Variants in NTM observed in about 807,000 individuals in gnomAD.
NTM encodes neurotrimin.
In NTM, 13 loss-of-function variants were observed where a neutral mutation model predicts 42.1. The ratio of observed to expected loss-of-function variants is 0.31; its 90% CI spans 0.20 to 0.49. NTM has a LOEUF of 0.49. Among genes scored for constraint, NTM ranks in the 20% least tolerant of loss-of-function variants. The pLI, the probability that NTM is intolerant of heterozygous loss-of-function variation, is 0.99. For synonymous variants in NTM, 187 were observed against 179.2 expected (o/e 1.04, Z -0.35); for missense variants, 373 against 452.8 (o/e 0.82, Z 1.60).
chr11:131,710,853 C>T (rs1453660481), intron 1 of NTM, among the ~76,000 whole-genome samples: 2 of 152,160 alleles, frequency 1.3e-5, no homozygotes, highest in South Asian at 2.1e-4. Flanking sequence ...GATCACACCT[C>T]ATGCCACCCT....
intron 1 of NTM, among the ~76,000 whole-genome samples, chr11:131,669,608 T>TG (rs1447517585): frequency 1.3e-5 from 2 of 152,004 alleles, no homozygotes; most frequent in Non-Finnish European, 2.9e-5. Context: ...AATTCAGCGG[T>TG]GGGGGCACCG....
intron 4 of NTM, among the ~76,000 whole-genome samples, chr11:132,291,748 C>T (rs968855447): frequency 3.3e-5 from 5 of 152,124 alleles, no homozygotes; most frequent in African/African-American, 1.2e-4. Context: ...AAGAAAAGCT[C>T]ATTTAAAGGA....
intron 1 of NTM, among the ~76,000 whole-genome samples, chr11:131,480,799 G>T (rs1375700311): frequency 6.6e-6 from 1 of 151,602 alleles, no homozygotes; most frequent in East Asian, 1.9e-4. Context: ...GGTGGTGGGG[G>T]TGGGGGAAAC....
intron 2 of NTM, among the ~76,000 whole-genome samples, chr11:132,021,981 T>C (rs2074413058): frequency 1.3e-5 from 2 of 152,204 alleles, no homozygotes; most frequent in Admixed American, 6.5e-5. Context: ...TGCCTAGCCC[T>C]GAGCAGAACC....
chr11:131,600,008 A>G (rs2458775), intron 1 of NTM, among the ~76,000 whole-genome samples: 65,354 of 152,184 alleles, frequency 0.43, 16,065 homozygotes, highest in East Asian at 0.61. Context: ...TGCCTTCTCC[A>G]AAAGAGTACA....
chr11:131,414,320 A>T (rs545391956), intron 1 of NTM, among the ~76,000 whole-genome samples: 37 of 152,252 alleles, frequency 2.4e-4, no homozygotes, highest in African/African-American at 8.9e-4. Flanking sequence ...CCTCTCCAGG[A>T]CTGAGTGGAC....
chr11:131,898,600 A>G (rs1001245312), intron 1 of NTM, among the ~76,000 whole-genome samples: 2 of 152,228 alleles, frequency 1.3e-5, no homozygotes, highest in African/African-American at 4.8e-5. Flanking sequence ...TACCAAGGAT[A>G]TGACAGTCCC....
intron 1 of NTM, among the ~76,000 whole-genome samples, chr11:131,640,069 C>T (rs2064950177): frequency 6.6e-6 from 1 of 152,214 alleles, no homozygotes; most frequent in African/African-American, 2.4e-5. Context: ...GGGCGTCCAT[C>T]CCGGAGGAGG....
chr11:132,048,819 T>TTTTTTTC (rs1555232736), intron 2 of NTM, among the ~76,000 whole-genome samples: 4 of 18,656 alleles, frequency 2.1e-4, no homozygotes, highest in African/African-American at 1.3e-3. Flanking sequence ...TTCTTTTTTC[T>TTTTTTTC]TTTTTTTTTT....
At chr11:132,189,483 GC>G (rs1163227151) in intron 3 of NTM, among the ~76,000 whole-genome samples, 10 of 152,198 alleles carry the variant, frequency 6.6e-5, no homozygotes, top group Admixed American at 5.9e-4. Flanking sequence ...AAGAAGAGCT[GC>G]CTGCAGGACA....
intron 1 of NTM, among the ~76,000 whole-genome samples, chr11:131,424,942 C>G (rs557950008): frequency 6.7e-6 from 1 of 149,474 alleles, no homozygotes; most frequent in Non-Finnish European, 1.5e-5. Flanking sequence ...TGCGGTGGCT[C>G]GATCTTGGCT....
intron 3 of NTM, among the ~76,000 whole-genome samples, chr11:132,196,794 G>C (rs1014576235): frequency 3.3e-5 from 5 of 152,126 alleles, no homozygotes; most frequent in South Asian, 2.1e-4. Flanking sequence ...ATGGGAGAAA[G>C]ATATGGGGTG....
intron 4 of NTM, among the ~76,000 whole-genome samples, chr11:132,294,923 A>T (rs2094561457): frequency 6.6e-6 from 1 of 152,226 alleles, no homozygotes; most frequent in Admixed American, 6.5e-5. Flanking sequence ...CTGCATGCCA[A>T]GGAAGCAGGG....
intron 2 of NTM, among the ~76,000 whole-genome samples, chr11:132,016,303 C>A (rs533805550): frequency 6.6e-6 from 1 of 151,890 alleles, no homozygotes; most frequent in African/African-American, 2.4e-5. Context: ...GGAACATTTC[C>A]ATCACCCCAG....
intron 2 of NTM, among the ~76,000 whole-genome samples, chr11:132,130,435 AT>A (rs1399081263): frequency 6.6e-6 from 1 of 152,126 alleles, no homozygotes; most frequent in African/African-American, 2.4e-5. Flanking sequence ...GAGAGGAGCA[AT>A]CATGTTGCTA....
chr11:132,204,297 A>G (rs1202197941), intron 3 of NTM, among the ~76,000 whole-genome samples: 1 of 152,270 alleles, frequency 6.6e-6, no homozygotes, highest in African/African-American at 2.4e-5. Context: ...GAGGAAATTC[A>G]GTCATTTCAA....
chr11:132,304,403 CTA>C (rs2140150251), intron 4 of NTM, among the ~76,000 whole-genome samples: 1 of 148,796 alleles, frequency 6.7e-6, no homozygotes, highest in East Asian at 2.0e-4. Context: ...ACTTTAAAGA[CTA>C]TGCTTGCTTT....
chr11:131,578,519 AG>A (rs2058125530), intron 1 of NTM, among the ~76,000 whole-genome samples: 1 of 152,202 alleles, frequency 6.6e-6, no homozygotes, highest in African/African-American at 2.4e-5. Context: ...GAACAGAGAC[AG>A]GGGAGCTACA....
At chr11:132,158,504 C>A (rs1206371509) in intron 3 of NTM, among the ~76,000 whole-genome samples, 1 of 152,176 alleles carries the variant, frequency 6.6e-6, no homozygotes, top group African/African-American at 2.4e-5. Flanking sequence ...AGAGTGGTAG[C>A]CTGTTTCAAC....
Sources: gnomAD v4.1 joint callset for allele counts (sites outside exome capture counted in the v4.1 genomes callset) on GRCh38, gnomAD v4.1.1 for gene constraint, MANE v1.5 for transcripts, NCBI Gene and HGNC (gene_info 2026-07-23, HGNC 2026-07-21) for gene names.